The following RNF144A variants were observed in gnomAD, a reference collection of about 807,000 sequenced individuals.
RNF144A encodes ring finger protein 144A.
Under a neutral mutation model 38.7 loss-of-function variants are expected in RNF144A, and 11 were observed. The observed-to-expected ratio is 0.28, with a 90% CI of 0.18 to 0.47. The LOEUF is 0.47. RNF144A is among the 20% of genes least tolerant of loss of function. RNF144A has a pLI of 0.99. For missense variants in RNF144A, 316 were observed against 377.2 expected (o/e 0.84, Z 1.34); for synonymous variants, 149 against 143.9 (o/e 1.04, Z -0.25).
rs575011643 is a variant in RNF144A, at chr2:7,019,099, T to C, written c.302-1374T>C. On this transcript the variant is annotated intron_variant, in intron 5 of 8. Transcript: ENST00000320892. ...CAACATGGTCCTCAGACTTAGATGA[T>C]GACTATCCGACCCTCTGCAGAGGAA... is the stretch of plus-strand genomic sequence containing the variant. Among the ~76,000 whole-genome samples the C allele has an allele frequency of 1.9e-4, 29 of 152,296 alleles. 1 individual carries two copies. The highest frequency in any genetic ancestry group is 6.0e-4 in the African/African-American group (25 of 41,564).
intron 6 of RNF144A, among the ~76,000 whole-genome samples, chr2:7,020,979 G>A (rs911143819): frequency 9.8e-5 from 15 of 152,318 alleles, no homozygotes; most frequent in Admixed American, 9.1e-4. Flanking sequence ...TACTTTTAAA[G>A]GTTGCAAGTC....
intron 1 of RNF144A, among the ~76,000 whole-genome samples, chr2:6,930,003 G>T (rs1183049621): frequency 6.6e-6 from 1 of 152,226 alleles, no homozygotes; most frequent in East Asian, 1.9e-4. Flanking sequence ...AAAGGATGGC[G>T]TAAGGAAAGA....
At chr2:7,055,300 T>G (rs309283) in intron 6 of RNF144A, among the ~76,000 whole-genome samples, 1 of 152,060 alleles carries the variant, frequency 6.6e-6, no homozygotes, top group Non-Finnish European at 1.5e-5. Context: ...GAGCTGCAGT[T>G]TCACACACTG....
chr2:7,015,357 AG>A (rs1671067991), intron 5 of RNF144A, among the ~76,000 whole-genome samples: 1 of 152,212 alleles, frequency 6.6e-6, no homozygotes, highest in African/African-American at 2.4e-5. Context: ...ATCCCCAGAG[AG>A]GCTAACTGAC....
intron 6 of RNF144A, among the ~76,000 whole-genome samples, chr2:7,058,905 T>C (rs1425887692): frequency 6.6e-6 from 1 of 152,170 alleles, no homozygotes; most frequent in Non-Finnish European, 1.5e-5. Context: ...ATGCTCCCCT[T>C]CTCCTGCATC....
At chr2:7,071,458 A>C (rs1333900006), downstream of RNF144A, among the ~76,000 whole-genome samples, 1 of 152,204 alleles carries the variant, frequency 6.6e-6, no homozygotes, top group Admixed American at 6.5e-5. Context: ...CAGACAGTGT[A>C]ATTTCACATC....
intron 3 of RNF144A, 100 bp downstream of exon 3, chr2:6,997,161 C>A: frequency 8.3e-7 from 1 of 1,202,228 alleles, no homozygotes; most frequent in Admixed American, 1.8e-5. Flanking sequence ...CTACATTTTG[C>A]CTGACAGTGG....
At chr2:6,934,540 C>T (rs559158273) in intron 1 of RNF144A, among the ~76,000 whole-genome samples, 1 of 152,092 alleles carries the variant, frequency 6.6e-6, no homozygotes, top group Non-Finnish European at 1.5e-5. Context: ...CTTTAAAGGC[C>T]TTTCTCCCTG....
chr2:6,971,194 A>C (rs999305972), intron 2 of RNF144A, among the ~76,000 whole-genome samples: 8 of 152,178 alleles, frequency 5.3e-5, no homozygotes, highest in African/African-American at 1.4e-4. Flanking sequence ...CTGGTTGGAC[A>C]GTAACCTCTG....
chr2:7,036,333 G>T (rs1672674063), intron 8 of RNF144A, among the ~76,000 whole-genome samples: 1 of 152,212 alleles, frequency 6.6e-6, no homozygotes, highest in Non-Finnish European at 1.5e-5. Flanking sequence ...CTTTGATAAA[G>T]AGCTCATTTT....
chr2:7,047,830 G>A (rs979064677), downstream of RNF144A, among the ~76,000 whole-genome samples: 3 of 152,184 alleles, frequency 2.0e-5, no homozygotes, highest in Non-Finnish European at 4.4e-5. Context: ...ACAAAGCTGC[G>A]AGTCTTATCT....
Position 7,020,557 on chromosome 2 carries a change from C to G in RNF144A, c.386C>G (p.Thr129Ser), listed in dbSNP as rs1671451946. The G allele has an allele frequency of 2.5e-6, 4 of 1,613,132 alleles. No individual in the cohort carries two copies. The highest frequency in any genetic ancestry group is 1.3e-5 in the African/African-American group (1 of 75,046). ...CAGCTCCAGGACGTGGGGCTGCAGA[C>G]CCCCCAGCCAGTGCAGTGCAAAGCC... ...VCQLQDVGLQ[T>S]PQPVQCKACR... Residue 129 changes from threonine to serine, a missense_variant, in exon 6 of 9, where the codon ACC becomes AGC. Transcript: ENST00000320892.
chr2:7,014,995 T>G (rs1025482729), intron 5 of RNF144A, among the ~76,000 whole-genome samples: 5 of 152,230 alleles, frequency 3.3e-5, no homozygotes, highest in Non-Finnish European at 7.3e-5. Flanking sequence ...GAAGAATTTA[T>G]GGAACACAAT....
intron 2 of RNF144A, among the ~76,000 whole-genome samples, chr2:6,991,381 A>T (rs1669364056): frequency 6.6e-6 from 1 of 152,194 alleles, no homozygotes; most frequent in Non-Finnish European, 1.5e-5. Flanking sequence ...ACAGCTCCGT[A>T]TTATGAAGAT....
intron 2 of RNF144A, among the ~76,000 whole-genome samples, chr2:6,984,505 T>C (rs899877323): frequency 1.3e-5 from 2 of 152,132 alleles, no homozygotes; most frequent in East Asian, 1.9e-4. Context: ...GGTTTCACCA[T>C]GTTGGCCAGG....
At chr2:7,033,961 C>T (rs997650391) in intron 8 of RNF144A, among the ~76,000 whole-genome samples, 8 of 152,176 alleles carry the variant, frequency 5.3e-5, no homozygotes, top group Non-Finnish European at 1.0e-4. Flanking sequence ...GCTTTCTACA[C>T]GTGGGGAACT....
intron 2 of RNF144A, among the ~76,000 whole-genome samples, chr2:6,992,490 AG>A (rs1236798999): frequency 2.0e-5 from 3 of 152,196 alleles, no homozygotes; most frequent in Admixed American, 1.3e-4. Flanking sequence ...AAGGGTTTGT[AG>A]GGTGTGGAGA....
At chr2:6,992,339 ATG>A (rs1378827095) in intron 2 of RNF144A, among the ~76,000 whole-genome samples, 18 of 152,278 alleles carry the variant, frequency 1.2e-4, no homozygotes, top group African/African-American at 3.6e-4. Flanking sequence ...TTCTCAGGTG[ATG>A]CTGATGCTGG....
At chr2:7,028,866 G>T (rs1672092684) in intron 7 of RNF144A, among the ~76,000 whole-genome samples, 1 of 152,164 alleles carries the variant, frequency 6.6e-6, no homozygotes. Context: ...AGTGGTAGCT[G>T]GGACCCCAGC....
Sources: gnomAD v4.1 joint callset for allele counts (sites outside exome capture counted in the v4.1 genomes callset) on GRCh38, gnomAD v4.1.1 for gene constraint, MANE v1.5 for transcripts, NCBI Gene and HGNC (gene_info 2026-07-23, HGNC 2026-07-21) for gene names.